The following POLQ variants were observed in gnomAD, a reference collection of about 807,000 sequenced individuals.
POLQ encodes epididymis secretory sperm binding protein.
A neutral mutation model predicts 259.2 loss-of-function variants in POLQ; 233 were observed. The observed-to-expected ratio is 0.90, with a 90% CI of 0.81 to 1.00. POLQ has a LOEUF of 1.00. Among genes scored for constraint, POLQ ranks in the 50% least tolerant of loss-of-function variants. The pLI, the probability that POLQ is intolerant of heterozygous loss-of-function variation, is 0.00. For missense variants in POLQ, 2,871 were observed against 3,051.6 expected (o/e 0.94, Z 1.39); for synonymous variants, 1,025 against 1,048.8 (o/e 0.98, Z 0.44).
intron 15 of POLQ, among the ~76,000 whole-genome samples, chr3:121,493,051 C>T (rs1408804491): frequency 6.6e-6 from 1 of 152,032 alleles, no homozygotes; most frequent in Non-Finnish European, 1.5e-5. Flanking sequence ...CCTATAATCC[C>T]AGCACTTTGG....
intron 13 of POLQ, 76 bp from the exon 14 acceptor site, chr3:121,497,008 T>C: frequency 6.7e-7 from 1 of 1,488,034 alleles, no homozygotes; most frequent in South Asian, 1.2e-5. Flanking sequence ...GAAAAATGAC[T>C]AAGAACTGGA....
rs761966694 is a variant in POLQ, at chr3:121,490,207, T to C, written c.2724A>G (p.Thr908=). ...WNPCALLHSS[T]CSLTHSESEV... ...CGGACTCACTATGAGTCAATGAGCA[T>C]GTACTAGAATGTAACAGGGCACATG... Residue 908 remains threonine, a synonymous_variant, in exon 16 of 30, where the codon ACA becomes ACG. Transcript: ENST00000264233. 1 of 1,613,966 alleles carries C rather than the reference T, an allele frequency of 6.2e-7. No homozygotes were observed. The highest frequency in any genetic ancestry group is 1.1e-5 in the South Asian group (1 of 91,050).
rs184874449 is a variant in POLQ, at chr3:121,543,164, T to G, written c.343+1563A>C. Among the ~76,000 whole-genome samples the G allele has an allele frequency of 3.3e-5, 5 of 152,318 alleles. No individual in the cohort carries two copies. The East Asian group carries it at 9.6e-4, about 29-fold the overall frequency. On this transcript the variant is annotated intron_variant, in intron 2 of 29. Coordinates refer to ENST00000264233, the MANE Select transcript of POLQ (RefSeq NM_199420.4). The stretch of plus-strand genomic sequence containing the variant: ...TATATGAGGTAACAGACACCAGGAC[T>G]TGGTGATTAATTGTATAAGCTGGTG...
At chr3:121,456,119 CAG>C (rs2047734595) in intron 25 of POLQ, among the ~76,000 whole-genome samples, 1 of 151,994 alleles carries the variant, frequency 6.6e-6, no homozygotes, top group African/African-American at 2.4e-5. Flanking sequence ...TAAACAGAAA[CAG>C]AGAAAAAAAA....
At chr3:121,528,600 C>T (rs1400693689) in intron 7 of POLQ, among the ~76,000 whole-genome samples, 1 of 152,044 alleles carries the variant, frequency 6.6e-6, no homozygotes, top group Non-Finnish European at 1.5e-5. Context: ...TCCTCAGCCT[C>T]CCAAAGTGCT....
intron 7 of POLQ, among the ~76,000 whole-genome samples, chr3:121,525,925 G>T (rs1395833100): frequency 6.6e-6 from 1 of 151,646 alleles, no homozygotes; most frequent in Non-Finnish European, 1.5e-5. Context: ...TCTTTTTCAT[G>T]ATTTCGTTCA....
intron 6 of POLQ, among the ~76,000 whole-genome samples, chr3:121,532,719 C>T (rs567422949): frequency 9.2e-5 from 14 of 151,878 alleles, no homozygotes; most frequent in Non-Finnish European, 1.5e-4. Context: ...TTTTTAGTAG[C>T]GACAGGGTTT....
intron 9 of POLQ, among the ~76,000 whole-genome samples, chr3:121,517,891 A>G (rs2048309299): frequency 1.3e-5 from 2 of 152,268 alleles, no homozygotes; most frequent in South Asian, 4.1e-4. Context: ...AAAGAAATTA[A>G]CATCTATCTT....
In POLQ at chr3:121,449,391, T is replaced by C. The variant is rs2047655273; in HGVS notation, c.7188A>G (p.Lys2396=). ...CYGIIYGMGA[K]SLGEQMGIKE... ...TAATGCCCATCTGCTCTCCCAAAGA[T>C]TTAGCTCCCATTCCATAAATGATCC... is the stretch of plus-strand genomic sequence containing the variant. The change falls in exon 26 of 30, where the codon AAA becomes AAG. Residue 2396 remains lysine, a synonymous_variant. Transcript: ENST00000264233. The C allele has an allele frequency of 2.5e-6, 4 of 1,604,180 alleles. No individual in the cohort carries two copies. Among genetic ancestry groups the C allele is most frequent in the Non-Finnish European group, 3.4e-6 (4 of 1,171,030 alleles).
chr3:121,484,979 T>C, intron 17 of POLQ, 62 bp downstream of exon 17: 2 of 1,197,066 alleles, frequency 1.7e-6, no homozygotes, highest in Middle Eastern at 2.0e-4. Context: ...AAATATAAGA[T>C]CACTACCCTA....
chr3:121,485,770 T>C (rs560431563), intron 16 of POLQ, among the ~76,000 whole-genome samples: 3 of 152,322 alleles, frequency 2.0e-5, no homozygotes, highest in Non-Finnish European at 2.9e-5. Flanking sequence ...TATAGCCTGA[T>C]ACAGAAAATG....
At chr3:121,512,141 G>T (rs2048260303) in intron 9 of POLQ, 112 bp from the exon 10 acceptor site, 1 of 815,526 alleles carries the variant, frequency 1.2e-6, no homozygotes, top group African/African-American at 1.7e-5. Context: ...AGATGATAGT[G>T]GTTGTTATGG....
At chr3:121,538,488 C>T (rs482256) in intron 4 of POLQ, among the ~76,000 whole-genome samples, 14,880 of 151,312 alleles carry the variant, frequency 0.098, 1,070 homozygotes, top group African/African-American at 0.2. Flanking sequence ...CAATAGGAAA[C>T]TTCCTAATGA....
intron 27 of POLQ, among the ~76,000 whole-genome samples, chr3:121,438,351 CATTT>C (rs2047561712): frequency 6.6e-6 from 1 of 152,166 alleles, no homozygotes; most frequent in Admixed American, 6.5e-5. Context: ...TTATATGATT[CATTT>C]ATATTAATAA....
At chr3:121,540,800 T>C (rs2048484003) in intron 3 of POLQ, among the ~76,000 whole-genome samples, 1 of 152,214 alleles carries the variant, frequency 6.6e-6, no homozygotes, top group South Asian at 2.1e-4. Flanking sequence ...TTACAAATTT[T>C]TACACAATTT....
intron 28 of POLQ, among the ~76,000 whole-genome samples, chr3:121,434,091 T>C (rs2047524059): frequency 6.6e-6 from 1 of 152,128 alleles, no homozygotes; most frequent in Admixed American, 6.6e-5. Flanking sequence ...CCATTGACTG[T>C]CTGGATGCTC....
chr3:121,533,525 CT>C (rs199580695), intron 5 of POLQ, among the ~76,000 whole-genome samples: 1 of 151,230 alleles, frequency 6.6e-6, no homozygotes, highest in Non-Finnish European at 1.5e-5. Context: ...GGTAGTATTT[CT>C]TTTTTTTTAG....
At chr3:121,538,755 A>T (rs2108820935) in intron 4 of POLQ, among the ~76,000 whole-genome samples, 1 of 152,144 alleles carries the variant, frequency 6.6e-6, no homozygotes, top group East Asian at 1.9e-4. Flanking sequence ...TTCTCTCTCC[A>T]AGCTTTATGG....
At chr3:121,521,846 C>T in intron 8 of POLQ, 157 bp downstream of exon 8, 1 of 467,922 alleles carries the variant, frequency 2.1e-6, no homozygotes, top group Non-Finnish European at 3.6e-6. Flanking sequence ...GCTGGGATTA[C>T]AGGAGTGAGC....
Sources: allele counts gnomAD v4.1 joint callset (sites outside exome capture counted in the v4.1 genomes callset), GRCh38; gene constraint gnomAD v4.1.1; transcripts MANE v1.5; gene names NCBI Gene and HGNC (gene_info 2026-07-23, HGNC 2026-07-21).